NTM: variants seen among roughly 807,000 people sequenced by gnomAD.
NTM encodes IgLON family member 2.
Under a neutral mutation model 42.1 loss-of-function variants are expected in NTM, and 13 were observed. That is an observed-to-expected ratio of 0.31 (90% confidence interval 0.20 to 0.49). NTM has a LOEUF of 0.49. Among genes scored for constraint, NTM ranks in the 20% least tolerant of loss-of-function variants. The probability of loss-of-function intolerance (pLI) is 0.99; values close to 1 mark genes in which losing one functional copy is unlikely to be tolerated. For missense variants in NTM, 373 were observed against 452.8 expected (o/e 0.82, Z 1.60); for synonymous variants, 187 against 179.2 (o/e 1.04, Z -0.35).
At chr11:132,045,717 G>A (rs505595) in intron 2 of NTM, among the ~76,000 whole-genome samples, 49,243 of 151,978 alleles carry the variant, frequency 0.32, 9,139 homozygotes, top group Admixed American at 0.43. Flanking sequence ...CAATAGCAGC[G>A]GGGTTGAGGT....
intron 4 of NTM, among the ~76,000 whole-genome samples, chr11:132,273,673 G>A (rs1051192403): frequency 2.6e-5 from 4 of 152,058 alleles, no homozygotes; most frequent in Non-Finnish European, 5.9e-5. Context: ...TTGGGAGGCC[G>A]AGGTGGGCAT....
chr11:131,487,861 A>C (rs1244474940), intron 1 of NTM, among the ~76,000 whole-genome samples: 1 of 152,204 alleles, frequency 6.6e-6, no homozygotes, highest in Non-Finnish European at 1.5e-5. Context: ...TGGAGAAGGG[A>C]CGGAATGGGG....
chr11:131,673,800 G>A (rs2070852052), intron 1 of NTM, among the ~76,000 whole-genome samples: 1 of 152,126 alleles, frequency 6.6e-6, no homozygotes, highest in Non-Finnish European at 1.5e-5. Flanking sequence ...GAGATCTCAC[G>A]TTTGCAGAAG....
At chr11:132,240,067 GTCCATCCATCCATCCATCCATCCA>G (rs547649451) in intron 4 of NTM, among the ~76,000 whole-genome samples, 1 of 91,158 alleles carries the variant, frequency 1.1e-5, no homozygotes, top group South Asian at 3.1e-4. Flanking sequence ...CCCTCCATCC[GTCCATCCATCCATCCATCCATCCA>G]TCCACAAACA....
intron 1 of NTM, among the ~76,000 whole-genome samples, chr11:131,591,440 G>C (rs958565679): frequency 6.6e-6 from 1 of 152,172 alleles, no homozygotes; most frequent in East Asian, 1.9e-4. Context: ...GAGATGGAAG[G>C]GGGGCACACC....
chr11:131,647,811 T>C (rs940694846), intron 1 of NTM, among the ~76,000 whole-genome samples: 1 of 152,200 alleles, frequency 6.6e-6, no homozygotes, highest in East Asian at 1.9e-4. Flanking sequence ...GTATGTGTAC[T>C]TTATAGATAT....
chr11:131,776,316 A>C (rs929208213), intron 1 of NTM, among the ~76,000 whole-genome samples: 6 of 152,194 alleles, frequency 3.9e-5, no homozygotes, highest in African/African-American at 1.4e-4. Flanking sequence ...TGTGCAAACC[A>C]GCTAATTTTA....
At chr11:131,617,093 C>T (rs2062015569) in intron 1 of NTM, among the ~76,000 whole-genome samples, 1 of 152,108 alleles carries the variant, frequency 6.6e-6, no homozygotes, top group Non-Finnish European at 1.5e-5. Context: ...GGGCTGGACG[C>T]TGCGAGGCTG....
chr11:131,418,573 C>T (rs1049312295), intron 1 of NTM, among the ~76,000 whole-genome samples: 11 of 152,114 alleles, frequency 7.2e-5, no homozygotes, highest in Non-Finnish European at 1.2e-4. Context: ...TGGTGGAGGC[C>T]GGCACAGGGA....
chr11:131,813,351 C>T (rs1319565670), intron 1 of NTM, among the ~76,000 whole-genome samples: 1 of 152,174 alleles, frequency 6.6e-6, no homozygotes, highest in Non-Finnish European at 1.5e-5. Flanking sequence ...TCAAGGCACA[C>T]TGCTACGTGC....
At chr11:131,532,960 C>T (rs1177255131) in intron 1 of NTM, among the ~76,000 whole-genome samples, 2 of 151,522 alleles carry the variant, frequency 1.3e-5, no homozygotes, top group African/African-American at 4.9e-5. Context: ...GTTGTGACTA[C>T]CAGGAGATCT....
intron 1 of NTM, among the ~76,000 whole-genome samples, chr11:131,700,175 T>C (rs1565443005): frequency 6.6e-6 from 1 of 152,160 alleles, no homozygotes; most frequent in Non-Finnish European, 1.5e-5. Flanking sequence ...ATTTGTTATT[T>C]CTGATTATAT....
intron 1 of NTM, among the ~76,000 whole-genome samples, chr11:131,522,004 A>T (rs1006115863): frequency 1.3e-5 from 2 of 152,242 alleles, no homozygotes; most frequent in African/African-American, 4.8e-5. Context: ...ATTAAAATTT[A>T]AATTGACGTG....
At chr11:131,994,707 T>G (rs1376683658) in intron 2 of NTM, among the ~76,000 whole-genome samples, 1 of 152,130 alleles carries the variant, frequency 6.6e-6, no homozygotes, top group Admixed American at 6.5e-5. Flanking sequence ...AATTTTAGCT[T>G]TTGGGCCACT....
At chr11:132,300,044 A>G (rs966960578) in intron 4 of NTM, among the ~76,000 whole-genome samples, 2 of 152,142 alleles carry the variant, frequency 1.3e-5, no homozygotes, top group African/African-American at 4.8e-5. Flanking sequence ...ATAAATGATC[A>G]TGAGAAATTA....
chr11:131,791,891 G>T (rs1006915116), intron 1 of NTM, among the ~76,000 whole-genome samples: 1 of 152,170 alleles, frequency 6.6e-6, no homozygotes, highest in African/African-American at 2.4e-5. Context: ...TGAGACTCAG[G>T]TTACTTATCT....
At chr11:131,391,170 G>C (rs538509743) in intron 1 of NTM, among the ~76,000 whole-genome samples, 2 of 152,172 alleles carry the variant, frequency 1.3e-5, no homozygotes, top group African/African-American at 2.4e-5. Context: ...GTTGTAGATA[G>C]CATTTTAGTG....
chr11:131,942,531 G>T (rs982587797), intron 2 of NTM, among the ~76,000 whole-genome samples: 11 of 152,154 alleles, frequency 7.2e-5, no homozygotes, highest in African/African-American at 2.7e-4. Flanking sequence ...GGGGAATGAT[G>T]GTGGTTTGGT....
intron 1 of NTM, among the ~76,000 whole-genome samples, chr11:131,694,733 C>G (rs1382537518): frequency 6.6e-6 from 1 of 152,148 alleles, no homozygotes; most frequent in South Asian, 2.1e-4. Context: ...GCTGAAGGAG[C>G]AGATTTGGTT....
Sources: gnomAD v4.1 joint callset for allele counts (sites outside exome capture counted in the v4.1 genomes callset) on GRCh38, gnomAD v4.1.1 for gene constraint, MANE v1.5 for transcripts, NCBI Gene and HGNC (gene_info 2026-07-23, HGNC 2026-07-21) for gene names.